Variants in TMEM232 observed in about 807,000 individuals in gnomAD.
TMEM232 encodes the protein transmembrane protein 232.
TMEM232 carries 80 observed loss-of-function variants against 78.8 expected under a neutral mutation model. The ratio of observed to expected loss-of-function variants is 1.01; its 90% CI spans 0.85 to 1.22. The LOEUF is 1.22. TMEM232 is among the 50% of genes most tolerant of loss of function. TMEM232 has a pLI of 0.00. For synonymous variants in TMEM232, 297 were observed against 254.3 expected (o/e 1.17, Z -1.60); for missense variants, 881 against 742.2 (o/e 1.19, Z -2.17).
chr5:110,503,300 T>TAATA (rs1413645668), intron 12 of TMEM232, among the ~76,000 whole-genome samples: 14 of 152,198 alleles, frequency 9.2e-5, no homozygotes, highest in Non-Finnish European at 1.6e-4. Flanking sequence ...ATTGAATGTG[T>TAATA]AATATAGGTG....
chr5:110,523,513 A>G (rs1268571219), intron 12 of TMEM232, among the ~76,000 whole-genome samples: 4 of 152,138 alleles, frequency 2.6e-5, no homozygotes, highest in South Asian at 2.1e-4. Context: ...GCATTTAACA[A>G]AAATAAATAT....
chr5:110,586,238 C>A (rs1778803940), intron 10 of TMEM232, among the ~76,000 whole-genome samples: 1 of 151,734 alleles, frequency 6.6e-6, no homozygotes, highest in East Asian at 1.9e-4. Context: ...TTGTAATTTT[C>A]TCTCATTTTT....
At chr5:110,485,249 G>A (rs552747826) in intron 12 of TMEM232, among the ~76,000 whole-genome samples, 11 of 152,184 alleles carry the variant, frequency 7.2e-5, no homozygotes, top group East Asian at 3.9e-4. Context: ...CCTACTAGGC[G>A]TAAGTAACAA....
rs145392382 is a variant in TMEM232 at position 110,619,342 on chromosome 5, G to A, written c.769-780C>T. Among the ~76,000 whole-genome samples, 4 of 152,168 alleles carry A rather than the reference G, an allele frequency of 2.6e-5. No homozygotes were observed. The East Asian group carries it at 7.7e-4, about 29-fold the overall frequency. ...ACAATTTCAAGATAATTTTTATGTT[G>A]AGTACTTTTCAGATAGAAAGCAAGA... is the stretch of plus-strand genomic sequence containing the variant. On this transcript the variant is annotated intron_variant, in intron 7 of 13. Coordinates refer to ENST00000455884, the MANE Select transcript of TMEM232 (RefSeq NM_001039763.4).
At chr5:110,594,150 G>A (rs532684199) in intron 10 of TMEM232, among the ~76,000 whole-genome samples, 4 of 151,846 alleles carry the variant, frequency 2.6e-5, no homozygotes, top group Admixed American at 1.3e-4. Context: ...TGCAGCCCAC[G>A]GAGGGCAAGC....
downstream of TMEM232, chr5:110,417,674 A>C (rs1170802418): frequency 7.0e-6 from 1 of 143,436 alleles, no homozygotes; most frequent in Admixed American, 7.3e-5. Context: ...AAACAAGGCC[A>C]AAGATGCAAA....
chr5:110,501,556 T>C (rs1406130318), intron 12 of TMEM232, among the ~76,000 whole-genome samples: 3 of 152,146 alleles, frequency 2.0e-5, no homozygotes, highest in Non-Finnish European at 2.9e-5. Context: ...TTAAGATGAA[T>C]GCAGCATAGG....
chr5:110,422,343 G>T (rs1448772406), intron 13 of TMEM232, among the ~76,000 whole-genome samples: 1 of 151,180 alleles, frequency 6.6e-6, no homozygotes, highest in Non-Finnish European at 1.5e-5. Flanking sequence ...GTGAAACGCC[G>T]TCTCTACTAA....
At chr5:110,706,101 C>A (rs1306266072) in intron 1 of TMEM232, among the ~76,000 whole-genome samples, 2 of 151,778 alleles carry the variant, frequency 1.3e-5, no homozygotes, top group Non-Finnish European at 2.9e-5. Context: ...CATTGATAAC[C>A]AAGTATTTTG....
intron 1 of TMEM232, among the ~76,000 whole-genome samples, chr5:110,673,066 A>C (rs1022407333): frequency 6.6e-6 from 1 of 152,180 alleles, no homozygotes; most frequent in Admixed American, 6.5e-5. Flanking sequence ...ATGTCCAACA[A>C]TGATAGACTG....
intron 1 of TMEM232, among the ~76,000 whole-genome samples, chr5:110,714,776 T>C (rs1013468105): frequency 1.3e-5 from 2 of 152,166 alleles, no homozygotes; most frequent in African/African-American, 4.8e-5. Context: ...TGTTTGAGAT[T>C]TCTGTATTTG....
intron 10 of TMEM232, among the ~76,000 whole-genome samples, chr5:110,581,800 C>A (rs1778236734): frequency 6.7e-6 from 1 of 150,206 alleles, no homozygotes. Context: ...GGAACTTAAA[C>A]AAATTAAAAA....
At chr5:110,493,938 C>A (rs545387488) in intron 12 of TMEM232, among the ~76,000 whole-genome samples, 1 of 152,048 alleles carries the variant, frequency 6.6e-6, no homozygotes, top group Non-Finnish European at 1.5e-5. Flanking sequence ...CCTAGCCCCC[C>A]ACCCACAACA....
intron 12 of TMEM232, among the ~76,000 whole-genome samples, chr5:110,523,667 T>C (rs1213416102): frequency 6.6e-6 from 1 of 152,070 alleles, no homozygotes; most frequent in Non-Finnish European, 1.5e-5. Context: ...ACTTTCTACA[T>C]AAAGACCTGG....
At position 110,618,475 on chromosome 5, in the gene TMEM232, GCACGTTATTCAACTGAGGA is replaced by G; in HGVS notation, c.837_855del (p.Pro280LeufsTer32). The G allele has an allele frequency of 6.4e-7, 1 of 1,551,602 alleles. No homozygotes were observed. Among genetic ancestry groups the G allele is most frequent in the Non-Finnish European group, 8.7e-7 (1 of 1,146,854 alleles). On this transcript the variant is annotated frameshift_variant, in exon 8 of 14. Transcript: ENST00000455884. LOFTEE classifies it high-confidence loss of function. ...GTCTTATGGAAGACGAGATGTTCAA[GCACGTTATTCAACTGAGGA>G]CTGTTATTCTGAACACAAGACCAAG... is the stretch of plus-strand genomic sequence containing the variant.
intron 12 of TMEM232, among the ~76,000 whole-genome samples, chr5:110,443,649 A>G (rs1759307036): frequency 6.6e-6 from 1 of 152,116 alleles, no homozygotes; most frequent in Non-Finnish European, 1.5e-5. Flanking sequence ...CTTTTCTCAA[A>G]CAGAAGGAGT....
chr5:110,408,446 G>C (rs1041205845), intron 2 of TMEM232, among the ~76,000 whole-genome samples: 7 of 151,944 alleles, frequency 4.6e-5, no homozygotes, highest in African/African-American at 1.7e-4. Context: ...ATAAAAATTA[G>C]CTGGGTATGG....
chr5:110,537,755 C>T (rs1772581014), intron 11 of TMEM232, among the ~76,000 whole-genome samples: 2 of 152,198 alleles, frequency 1.3e-5, no homozygotes, highest in African/African-American at 4.8e-5. Context: ...AGTGCAGGTC[C>T]CTTCTCTATA....
At chr5:110,658,620 G>C (rs938759452) in intron 2 of TMEM232, among the ~76,000 whole-genome samples, 2 of 152,016 alleles carry the variant, frequency 1.3e-5, no homozygotes, top group African/African-American at 4.8e-5. Flanking sequence ...ACTACATTTG[G>C]TAACAGTCAT....
Sources: allele counts gnomAD v4.1 joint callset (sites outside exome capture counted in the v4.1 genomes callset), GRCh38; gene constraint gnomAD v4.1.1; transcripts MANE v1.5; gene names NCBI Gene and HGNC (gene_info 2026-07-23, HGNC 2026-07-21).